FER1L6: variants seen among roughly 807,000 people sequenced by gnomAD.
The protein encoded by FER1L6 is fer-1-like protein 6.
FER1L6 carries 177 observed loss-of-function variants against 219.2 expected under a neutral mutation model. The observed-to-expected ratio is 0.81, with a 90% CI of 0.71 to 0.91. The LOEUF is 0.91. Ranked by LOEUF, FER1L6 falls within the 40% of genes least tolerant of loss-of-function variation. The pLI is 0.00. For missense variants in FER1L6, 2,153 were observed against 2,259.9 expected, an observed-to-expected ratio of 0.95 and a Z score of 0.96; for synonymous variants, 768 against 824.3, an observed-to-expected ratio of 0.93 and a Z score of 1.17.
intron 21 of FER1L6, 44 bp from the exon 22 acceptor site, chr8:124,049,563 A>G (rs775304906): frequency 5.0e-6 from 8 of 1,604,980 alleles, no homozygotes; most frequent in South Asian, 1.1e-5. Context: ...AGAACCAGGT[A>G]ATTAATGATC....
intron 5 of FER1L6, among the ~76,000 whole-genome samples, chr8:123,969,737 A>G (rs1466825125): frequency 6.6e-6 from 1 of 151,944 alleles, no homozygotes; most frequent in East Asian, 1.9e-4. Context: ...GTGGTGGTAT[A>G]GGCCTGTAGT....
chr8:124,075,217 TA>T (rs1314816369), intron 31 of FER1L6, among the ~76,000 whole-genome samples: 2 of 152,254 alleles, frequency 1.3e-5, no homozygotes, highest in Non-Finnish European at 2.9e-5. Context: ...ACATTTAGCT[TA>T]AAACACAAAC....
chr8:123,933,391 T>C (rs1193236098), intron 1 of FER1L6, among the ~76,000 whole-genome samples: 2 of 88,296 alleles, frequency 2.3e-5, no homozygotes, highest in African/African-American at 1.3e-4. Flanking sequence ...TGTGTGTGTG[T>C]GTGTGTGTGT....
chr8:124,101,031 T>G (rs1381547969), intron 37 of FER1L6, 66 bp from the exon 38 acceptor site: 1 of 1,469,576 alleles, frequency 6.8e-7, no homozygotes, highest in South Asian at 1.2e-5. Flanking sequence ...GCTAAATCAC[T>G]TATGATTATA....
At chr8:123,896,857 A>G (rs1339362963) in intron 1 of FER1L6, among the ~76,000 whole-genome samples, 1 of 152,060 alleles carries the variant, frequency 6.6e-6, no homozygotes, top group African/African-American at 2.4e-5. Context: ...TCATATATCA[A>G]TGTGGCTGCC....
In FER1L6 at chr8:123,853,633, C is replaced by T. The variant is rs2130233831; in HGVS notation, c.-8+1448C>T. On this transcript the variant is annotated intron_variant, in intron 1 of 40. Coordinates refer to ENST00000522917, the MANE Select transcript of FER1L6 (RefSeq NM_001039112.2). This position sits in a 1 kb window ranked among gnomAD's most constrained non-coding sequence, Gnocchi z 6.6. ...GAGTAGAGAAAAAGGGGTAGGTACG[C>T]CTCACCACGGGCAAGCGTGGAGTAA... 6.6e-6 allele frequency among the ~76,000 whole-genome samples: 1 copy of T among 152,278 alleles called. No individual in the cohort carries two copies. Among genetic ancestry groups the T allele is most frequent in the Admixed American group, 6.5e-5 (1 of 15,296 alleles).
At chr8:124,046,678 A>G (rs908930500) in intron 21 of FER1L6, 3 of 152,218 alleles carry the variant, frequency 2.0e-5, no homozygotes, top group African/African-American at 7.2e-5. Context: ...TACTCCTGAC[A>G]GCCCCTGTCT....
intron 3 of FER1L6, among the ~76,000 whole-genome samples, chr8:123,964,018 G>A (rs980724288): frequency 6.6e-6 from 1 of 152,208 alleles, no homozygotes; most frequent in African/African-American, 2.4e-5. Context: ...GCCTGGCCTA[G>A]TACTGCTTCA....
rs1823418276 is a variant in FER1L6, at chr8:124,119,924, G to A, written c.*134G>A. 2 of 930,768 alleles carry A rather than the reference G, an allele frequency of 2.1e-6. No homozygotes were observed. The highest frequency in any genetic ancestry group is 3.1e-6 in the Non-Finnish European group (2 of 650,650). 57.7% of individuals were successfully genotyped at this position (930,768 alleles called of 1,614,324 possible). ...CAGATCAACCCTTCTTGGAAGAGAT[G>A]GAAAAGAAACATTTCCTCCCTGCTC... On this transcript the variant is annotated 3_prime_UTR_variant, in exon 41 of 41. Transcript: ENST00000522917.
chr8:123,975,368 C>T lies in FER1L6; in HGVS notation c.683+62C>T, dbSNP rs774757469. ...ATATGTCCAATTTTAATCTCTTTCC[C>T]CTCCCTCACCACTTTTCTTATGGGT... On this transcript the variant is annotated intron_variant, in intron 8 of 40. Transcript: ENST00000522917. 4.2e-6 allele frequency: 6 copies of T among 1,440,272 alleles called. No homozygotes were observed. The African/African-American group carries it at 4.3e-5, about 10-fold the overall frequency. The allele number at this position is 1,440,272 out of a possible 1,614,324, so 89.2% of individuals were successfully genotyped here. A position where few individuals can be genotyped will look rare whatever the true frequency, so the allele number is the denominator to read the frequency against.
chr8:124,019,461 G>T (rs751193424), intron 16 of FER1L6, among the ~76,000 whole-genome samples: 3 of 152,152 alleles, frequency 2.0e-5, no homozygotes, highest in Non-Finnish European at 2.9e-5. Context: ...AACTGTCAAT[G>T]TCTCAGGAAA....
chr8:123,956,189 C>A, intron 2 of FER1L6, 115 bp downstream of exon 2: 1 of 938,142 alleles, frequency 1.1e-6, no homozygotes, highest in Non-Finnish European at 1.7e-6. Context: ...TGTGAATGTG[C>A]TGCCCCCGAC....
At chr8:124,055,734 G>C (rs1193935338) in intron 22 of FER1L6, among the ~76,000 whole-genome samples, 1 of 152,128 alleles carries the variant, frequency 6.6e-6, no homozygotes, top group East Asian at 1.9e-4. Flanking sequence ...AATGACCACA[G>C]ACATGGTGGC....
chr8:123,942,717 A>G (rs1274928598), intron 1 of FER1L6, among the ~76,000 whole-genome samples: 1 of 152,214 alleles, frequency 6.6e-6, no homozygotes, highest in East Asian at 1.9e-4. Context: ...TTTAGGGTCC[A>G]CTGGGTAATC....
At chr8:123,934,037 T>C (rs565146469) in intron 1 of FER1L6, among the ~76,000 whole-genome samples, 2 of 152,270 alleles carry the variant, frequency 1.3e-5, no homozygotes, top group Non-Finnish European at 2.9e-5. Flanking sequence ...TATTCATCAT[T>C]TCCTAAGAAC....
At chr8:124,058,717 G>C (rs934068925) in intron 22 of FER1L6, 1 of 152,314 alleles carries the variant, frequency 6.6e-6, no homozygotes, top group African/African-American at 2.4e-5. Context: ...CTGTTTCGTG[G>C]CTTTCCCTTT....
In FER1L6 at chr8:124,003,264, G is replaced by T; in HGVS notation, c.1617G>T (p.Gly539=). 1 of 1,614,020 alleles carries T rather than the reference G, an allele frequency of 6.2e-7. No homozygotes were observed. The highest frequency in any genetic ancestry group is 1.1e-5 in the South Asian group (1 of 91,080). ...ACCTCCTTCCACTGCTTCACGAAGG[G>T]CAAGGGGATGTGGCCCATGATGTTC... The part of the protein sequence containing the change: ...EEDLLPLLHE[G]QGDVAHDVPI... The change falls in exon 13 of 41, where the codon GGG becomes GGT. Residue 539 remains glycine, a synonymous_variant. Transcript: ENST00000522917.
chr8:124,101,304 G>A lies in FER1L6; in HGVS notation c.5091G>A (p.Trp1697Ter). Residue 1697 changes from tryptophan (W) to a stop codon, truncating the protein, a stop_gained, in exon 38 of 41, where the codon TGG becomes TGA. Coordinates refer to ENST00000522917, the MANE Select transcript of FER1L6 (RefSeq NM_001039112.2). LOFTEE classifies it high-confidence loss of function. ...CTGCTGTGTTGGTGCTGCAGGTTTG[G>A]GATTTTGAAAGGCTGTCCTCAGATG... ...KTPAVLVLQV[W>*]DFERLSSDDF... The A allele has an allele frequency of 6.2e-7, 1 of 1,613,826 alleles. No individual in the cohort carries two copies. Among genetic ancestry groups the A allele is most frequent in the Non-Finnish European group, 8.5e-7 (1 of 1,179,812 alleles).
chr8:124,044,160 T>C (rs951353602), intron 20 of FER1L6, among the ~76,000 whole-genome samples: 12 of 152,232 alleles, frequency 7.9e-5, no homozygotes, highest in African/African-American at 2.9e-4. Context: ...GTCAAGTGCA[T>C]GCTACAAGAC....
Sources: gnomAD v4.1 joint callset for allele counts (sites outside exome capture counted in the v4.1 genomes callset) on GRCh38, gnomAD v4.1.1 for gene constraint, Gnocchi (gnomAD v3.1) non-coding constraint, MANE v1.5 for transcripts, NCBI Gene and HGNC (gene_info 2026-07-23, HGNC 2026-07-21) for gene names.